MIPEP: variants seen among roughly 807,000 people sequenced by gnomAD.
The protein encoded by MIPEP is mitochondrial intermediate peptidase.
In MIPEP, 79 loss-of-function variants were observed where a neutral mutation model predicts 90.3. The ratio of observed to expected loss-of-function variants is 0.87; its 90% CI spans 0.73 to 1.05. The LOEUF (loss-of-function observed/expected upper bound fraction) is 1.05. Ranked by LOEUF, MIPEP falls within the 50% of genes least tolerant of loss-of-function variation. The pLI, the probability that MIPEP is intolerant of heterozygous loss-of-function variation, is 0.00. For synonymous variants in MIPEP, 334 were observed against 315.8 expected (o/e 1.06, Z -0.61); for missense variants, 940 against 905.6 (o/e 1.04, Z -0.49).
chr13:23,816,971 A>G (rs527325421), intron 14 of MIPEP, among the ~76,000 whole-genome samples: 2 of 152,232 alleles, frequency 1.3e-5, no homozygotes, highest in East Asian at 3.9e-4. Flanking sequence ...CTTTCCACCC[A>G]TGATCTGCCA....
chr13:23,799,832 CTT>C (rs1261592746), intron 16 of MIPEP, among the ~76,000 whole-genome samples: 2 of 152,178 alleles, frequency 1.3e-5, no homozygotes, highest in African/African-American at 4.8e-5. Context: ...CCTAAAATAA[CTT>C]TTTCATTCTA....
At chr13:23,731,391 C>G (rs937557111) in intron 18 of MIPEP, among the ~76,000 whole-genome samples, 14 of 152,168 alleles carry the variant, frequency 9.2e-5, no homozygotes, top group African/African-American at 3.4e-4. Flanking sequence ...GGTGGGCAGG[C>G]TCAGTCACAA....
At chr13:23,799,808 C>A (rs1032411366) in intron 16 of MIPEP, among the ~76,000 whole-genome samples, 44 of 152,128 alleles carry the variant, frequency 2.9e-4, no homozygotes, top group African/African-American at 1.1e-3. Context: ...TCCTTCAGTC[C>A]CAGTAACTGC....
At chr13:23,748,326 G>A (rs1426822713) in intron 18 of MIPEP, among the ~76,000 whole-genome samples, 1 of 152,136 alleles carries the variant, frequency 6.6e-6, no homozygotes, top group Non-Finnish European at 1.5e-5. Context: ...CTGTAACAGG[G>A]GCTGCAGATA....
In MIPEP at chr13:23,835,401, GAGA is replaced by G. The variant is rs536392922; in HGVS notation, c.1653+836_1653+838del. On this transcript the variant is annotated intron_variant, in intron 14 of 18. Transcript: ENST00000382172. The stretch of plus-strand genomic sequence containing the variant: ...AATATTACACATCTGGAGACATAAT[GAGA>G]AGAAGAGTCACAAATAAAGGTGGTT... Among the ~76,000 whole-genome samples the G allele has an allele frequency of 3.0e-3, 451 of 152,128 alleles. 2 individuals are homozygous for G. The highest frequency in any genetic ancestry group is 0.01 in the African/African-American group (436 of 41,532).
At chr13:23,817,510 A>G (rs901951457) in intron 14 of MIPEP, among the ~76,000 whole-genome samples, 8 of 151,896 alleles carry the variant, frequency 5.3e-5, no homozygotes, top group African/African-American at 1.9e-4. Context: ...TCTCTCCCCC[A>G]CTACCAAACC....
chr13:23,767,940 C>T (rs1382800502), intron 16 of MIPEP, among the ~76,000 whole-genome samples: 3 of 152,140 alleles, frequency 2.0e-5, no homozygotes, highest in African/African-American at 4.8e-5. Context: ...ACAGGACTCT[C>T]GATTGCTGTG....
intron 16 of MIPEP, among the ~76,000 whole-genome samples, chr13:23,760,811 T>C (rs368834517): frequency 6.6e-6 from 1 of 152,242 alleles, no homozygotes; most frequent in Non-Finnish European, 1.5e-5. Context: ...TCCAAATATA[T>C]GGCTATTCTT....
chr13:23,830,963 T>A (rs1050154493), intron 14 of MIPEP, among the ~76,000 whole-genome samples: 3 of 151,998 alleles, frequency 2.0e-5, no homozygotes, highest in Non-Finnish European at 2.9e-5. Context: ...ATAAGGATAG[T>A]GGCAGTTTCT....
intron 8 of MIPEP, among the ~76,000 whole-genome samples, chr13:23,863,581 T>C (rs1036065798): frequency 6.6e-6 from 1 of 152,206 alleles, no homozygotes; most frequent in Non-Finnish European, 1.5e-5. Flanking sequence ...TCATTATGTA[T>C]ATGCAAATAT....
intron 16 of MIPEP, among the ~76,000 whole-genome samples, chr13:23,774,784 C>CTT (rs67628137): frequency 1.0e-4 from 7 of 68,250 alleles, no homozygotes; most frequent in East Asian, 4.7e-4. Context: ...TTTATCAGTT[C>CTT]TTTTTTTTTT....
At chr13:23,838,039 G>A (rs1186707852) in intron 12 of MIPEP, among the ~76,000 whole-genome samples, 1 of 152,172 alleles carries the variant, frequency 6.6e-6, no homozygotes. Flanking sequence ...CCAGAAGCTG[G>A]AAACAAAGTC....
intron 13 of MIPEP, among the ~76,000 whole-genome samples, chr13:23,836,722 C>A (rs1869067442): frequency 6.6e-6 from 1 of 152,170 alleles, no homozygotes; most frequent in African/African-American, 2.4e-5. Flanking sequence ...TTACCTAATA[C>A]TTTTATCCTT....
At chr13:23,773,690 T>G (rs760415325) in intron 16 of MIPEP, among the ~76,000 whole-genome samples, 13 of 152,246 alleles carry the variant, frequency 8.5e-5, no homozygotes, top group Non-Finnish European at 1.9e-4. Context: ...ACTGTGGTTT[T>G]GATTTGCATA....
chr13:23,865,672 A>ATCT lies in MIPEP; in HGVS notation c.944-1484_944-1483insAGA, dbSNP rs138371711. On this transcript the variant is annotated intron_variant, in intron 7 of 18. Coordinates refer to ENST00000382172, the MANE Select transcript of MIPEP (RefSeq NM_005932.4). ...ACATGTGAAGAATCTGCCTCAATTA[A>ATCT]TTTTTTTTTTTTTTTGAGATGGAGT... Among the ~76,000 whole-genome samples, 179 of 68,924 alleles carry ATCT rather than the reference A, an allele frequency of 2.6e-3. 6 individuals are homozygous for ATCT. Among genetic ancestry groups the ATCT allele is most frequent in the East Asian group, 2.8e-3 (10 of 3,540 alleles). 45.2% of individuals were successfully genotyped at this position (68,924 alleles called of 152,430 possible).
chr13:23,815,479 AT>A (rs1359674058), intron 14 of MIPEP, among the ~76,000 whole-genome samples: 1 of 152,084 alleles, frequency 6.6e-6, no homozygotes, highest in Admixed American at 6.6e-5. Flanking sequence ...ACTGTGCCTA[AT>A]TTTTGTATAG....
At chr13:23,817,619 G>T (rs1953255944) in intron 14 of MIPEP, among the ~76,000 whole-genome samples, 1 of 151,958 alleles carries the variant, frequency 6.6e-6, no homozygotes, top group African/African-American at 2.4e-5. Context: ...ATCATCCTTT[G>T]CCCTCAAAAG....
intron 16 of MIPEP, among the ~76,000 whole-genome samples, chr13:23,781,493 C>G (rs1469915158): frequency 6.6e-6 from 1 of 152,180 alleles, no homozygotes; most frequent in African/African-American, 2.4e-5. Flanking sequence ...CCAGCCACTG[C>G]AAAAACATGC....
At chr13:23,744,402 T>C (rs1201108165) in intron 18 of MIPEP, among the ~76,000 whole-genome samples, 3 of 152,202 alleles carry the variant, frequency 2.0e-5, no homozygotes, top group Non-Finnish European at 4.4e-5. Context: ...GGAATATGCA[T>C]GCACATATTT....
Sources: gnomAD v4.1 joint callset for allele counts (sites outside exome capture counted in the v4.1 genomes callset) on GRCh38, gnomAD v4.1.1 for gene constraint, MANE v1.5 for transcripts, NCBI Gene and HGNC (gene_info 2026-07-23, HGNC 2026-07-21) for gene names.